ZNF445: variants seen among roughly 807,000 people sequenced by gnomAD.
ZNF445 encodes zinc finger protein 168.
ZNF445 carries 19 observed loss-of-function variants against 93.9 expected under a neutral mutation model. The ratio of observed to expected loss-of-function variants is 0.20; its 90% CI spans 0.14 to 0.30. The LOEUF (loss-of-function observed/expected upper bound fraction) is 0.30. Among genes scored for constraint, ZNF445 ranks in the 10% least tolerant of loss-of-function variants. The pLI is 1.00. For synonymous variants in ZNF445, 449 were observed against 446.3 expected (o/e 1.01, Z -0.08); for missense variants, 1,058 against 1,259.4 (o/e 0.84, Z 2.42).
Position 44,447,902 on chromosome 3 carries a change from T to C in ZNF445, c.1769A>G (p.Asp590Gly). Residue 590 changes from aspartate (D) to glycine (G), a missense_variant, in exon 8 of 8, where the codon GAC (aspartate) becomes GGC (glycine). By Grantham distance (94) the Asp-to-Gly change is moderately conservative. Around this residue, in one of 3 missense-constraint regions of ZNF445, gnomAD observed 657 missense variants for 746.4 expected, o/e 0.88. Coordinates refer to ENST00000396077, the MANE Select transcript of ZNF445 (RefSeq NM_181489.6). This position sits in a 1 kb window ranked among gnomAD's most constrained non-coding sequence, Gnocchi z 4.7. ...GTCAAAGAGTTTCTCCCCACTTTGGTCTCCCAAATGATGATCAAACCCTGA... is the reference window on the plus strand; with the variant it reads ...GTCAAAGAGTTTCTCCCCACTTTGGCCTCCCAAATGATGATCAAACCCTGA... ...YSSGFDHHLG[D>G]QSGEKLFDCS... The C allele has an allele frequency of 2.5e-6, 4 of 1,613,848 alleles. No individual in the cohort carries two copies. The highest frequency in any genetic ancestry group is 3.4e-6 in the Non-Finnish European group (4 of 1,180,032).
Position 44,450,860 on chromosome 3 carries a change from T to C in ZNF445, c.693+8A>G, listed in dbSNP as rs1697946642. The stretch of plus-strand genomic sequence containing the variant: ...ACATCAGGAAGGACCAAATGTTCTG[T>C]GGCTCACCTGGAGCTGGGCTGTCAG... On this transcript the variant is annotated splice_region_variant and intron_variant, in intron 5 of 7. Coordinates refer to ENST00000396077, the MANE Select transcript of ZNF445 (RefSeq NM_181489.6). 6.4e-7 allele frequency: 1 copy of C among 1,556,022 alleles called. No homozygotes were observed.
rs761608124 is a variant in ZNF445 at position 44,450,909 on chromosome 3, C to T, written c.652G>A (p.Asp218Asn). 1 of 1,597,952 alleles carries T rather than the reference C, an allele frequency of 6.3e-7. No homozygotes were observed. The highest frequency in any genetic ancestry group is 8.5e-7 in the Non-Finnish European group (1 of 1,172,752). The change falls in exon 5 of 8, where the codon GAC becomes AAC. Residue 218 changes from aspartate (D) to asparagine (N), a missense_variant. By Grantham distance (23) the Asp-to-Asn change is conservative. Transcript: ENST00000396077. The part of the protein sequence containing the change: ...ALFPREGCPG[D>N]QVTPTRSLTA... ...AGGGACCTGGTTGGTGTTACCTGGTCTCCCGGGCACCCCTCTCTCGGGAAA... is the reference window on the plus strand; with the variant it reads ...AGGGACCTGGTTGGTGTTACCTGGTTTCCCGGGCACCCCTCTCTCGGGAAA...
rs758932222 is a variant in ZNF445, at chr3:44,432,023, C to A, written c.*14552G>T. ...CAAGCTATTCTCCCATCTTAGCCTC[C>A]CAGCTGGGATTACAGGCATGAGCCA... On this transcript the variant is annotated 3_prime_UTR_variant, in exon 8 of 8. Transcript: ENST00000396077. 6.6e-6 allele frequency: 1 copy of A among 152,066 alleles called. No individual in the cohort carries two copies. Among genetic ancestry groups the A allele is most frequent in the Non-Finnish European group, 1.5e-5 (1 of 68,040 alleles). 9.4% of individuals were successfully genotyped at this position (152,066 alleles called of 1,614,324 possible). A position where few individuals can be genotyped will look rare whatever the true frequency, so the allele number is the denominator to read the frequency against.
rs187264086 is a variant in ZNF445, at chr3:44,473,973, T to A, written c.-269+3618A>T. Among the ~76,000 whole-genome samples, 587 of 152,320 alleles carry A rather than the reference T, an allele frequency of 3.9e-3. 2 individuals are homozygous for A. Among genetic ancestry groups the A allele is most frequent in the African/African-American group, 0.013 (530 of 41,566 alleles). On this transcript the variant is annotated intron_variant, in intron 1 of 7. Transcript: ENST00000396077. ...ATGAGAATTGTATGTAAGTATCCAATGAATGCCTAGAAGGAATGAAGGAAA... is the reference window on the plus strand; with the variant it reads ...ATGAGAATTGTATGTAAGTATCCAAAGAATGCCTAGAAGGAATGAAGGAAA...
chr3:44,462,584 G>A (rs1408439479), intron 1 of ZNF445, among the ~76,000 whole-genome samples: 2 of 151,808 alleles, frequency 1.3e-5, no homozygotes, highest in African/African-American at 4.8e-5. Flanking sequence ...GCCATTTATT[G>A]AGGTTCCCCA....
At position 44,439,364 on chromosome 3, in the gene ZNF445, C is replaced by T. The variant is rs141883875; in HGVS notation, c.*7211G>A. On this transcript the variant is annotated 3_prime_UTR_variant, in exon 8 of 8. Transcript: ENST00000396077. ...GCAAAAAGCAGTGGTGACCATAGGTCATGAGCAACGTCAGCGGACTTTTGG... is the reference window on the plus strand; with the variant it reads ...GCAAAAAGCAGTGGTGACCATAGGTTATGAGCAACGTCAGCGGACTTTTGG... The T allele has an allele frequency of 8.6e-5, 13 of 150,762 alleles. No homozygotes were observed. The highest frequency in any genetic ancestry group is 2.4e-4 in the African/African-American group (10 of 41,086). 9.3% of individuals were successfully genotyped at this position (150,762 alleles called of 1,614,324 possible). A position where few individuals can be genotyped will look rare whatever the true frequency, so the allele number is the denominator to read the frequency against.
In ZNF445 at chr3:44,448,435, G is replaced by C. The variant is rs751973567; in HGVS notation, c.1236C>G (p.Ser412=). 6.2e-7 allele frequency: 1 copy of C among 1,613,882 alleles called. No homozygotes were observed. The highest frequency in any genetic ancestry group is 8.5e-7 in the Non-Finnish European group (1 of 1,179,978). The change falls in exon 8 of 8, where the codon TCC becomes TCG. Residue 412 remains serine (S), a synonymous_variant. Transcript: ENST00000396077. The part of the protein sequence containing the change: ...TYLRVSGRKE[S]LKHGCGKHFR... ...AGTGTTTGCCACAGCCATGTTTAAG[G>C]GATTCCTTTCTTCCAGAAACTCTCA...
chr3:44,451,537 C>CA (rs1697957852), intron 3 of ZNF445, 55 bp from the exon 4 acceptor site: 4 of 1,564,906 alleles, frequency 2.6e-6, no homozygotes, highest in Non-Finnish European at 3.5e-6. Flanking sequence ...AAAGCAAACT[C>CA]AGAGAAGAGA....
intron 1 of ZNF445, among the ~76,000 whole-genome samples, chr3:44,459,654 G>A (rs1239692976): frequency 1.3e-5 from 2 of 152,158 alleles, no homozygotes; most frequent in African/African-American, 2.4e-5. Flanking sequence ...GAAGGAATAC[G>A]CAAATAGTAG....
At position 44,455,290 on chromosome 3, in the gene ZNF445, T is replaced by C. The variant is rs1698012883; in HGVS notation, c.260A>G (p.Asp87Gly). 6.2e-7 allele frequency: 1 copy of C among 1,613,956 alleles called. No individual in the cohort carries two copies. The change falls in exon 3 of 8, where the codon GAC becomes GGC. Residue 87 changes from aspartate to glycine, a missense_variant. By Grantham distance (94) the Asp-to-Gly change is moderately conservative. Coordinates refer to ENST00000396077, the MANE Select transcript of ZNF445 (RefSeq NM_181489.6). ...RELCRWWLRP[D>G]VLSKAQILEL... Reference sequence around the variant, plus strand: ...TAGGATCTGTGCCTTGGAGAGAACGTCAGGCCTCAGCCACCAGCGACAGAG... The same window carrying C: ...TAGGATCTGTGCCTTGGAGAGAACGCCAGGCCTCAGCCACCAGCGACAGAG...
In ZNF445 at chr3:44,447,651, C is replaced by A; in HGVS notation, c.2020G>T (p.Ala674Ser). The change falls in exon 8 of 8, where the codon GCT (alanine) becomes TCT (serine). Residue 674 changes from alanine (A) to serine (S), a missense_variant. By Grantham distance (99) the Ala-to-Ser change is moderately conservative. Around this residue, in one of 3 missense-constraint regions of ZNF445, gnomAD observed 387 missense variants for 475.7 expected, o/e 0.81. Coordinates refer to ENST00000396077, the MANE Select transcript of ZNF445 (RefSeq NM_181489.6). This position sits in a 1 kb window ranked among gnomAD's most constrained non-coding sequence, Gnocchi z 4.7. Reference protein sequence around the residue: ...QSPDCSQPQGAPAVEKTFLCQ... With the variant: ...QSPDCSQPQGSPAVEKTFLCQ... ...AGAAATGTTTTCTCCACAGCGGGAG[C>A]ACCCTGGGGCTGACTGCAGTCAGGA... 1 of 1,614,042 alleles carries A rather than the reference C, an allele frequency of 6.2e-7. No individual in the cohort carries two copies. Among genetic ancestry groups the A allele is most frequent in the South Asian group, 1.1e-5 (1 of 91,072 alleles).
At chr3:44,473,492 A>ACACACACACAC (rs1559400839) in intron 1 of ZNF445, among the ~76,000 whole-genome samples, 4,047 of 89,022 alleles carry the variant, frequency 0.045, 186 homozygotes, top group African/African-American at 0.11. Context: ...CACACACACA[A>ACACACACACAC]AAAATGCTTT....
chr3:44,467,338 C>G (rs1698209963), intron 1 of ZNF445, among the ~76,000 whole-genome samples: 1 of 152,156 alleles, frequency 6.6e-6, no homozygotes, highest in Non-Finnish European at 1.5e-5. Flanking sequence ...CAATAAGAAT[C>G]TGTTTTCTTT....
intron 1 of ZNF445, among the ~76,000 whole-genome samples, chr3:44,462,327 G>C (rs886471841): frequency 6.6e-6 from 1 of 152,110 alleles, no homozygotes. Context: ...CTTTCTCTTG[G>C]TTTCCGCCAT....
Position 44,449,367 on chromosome 3 carries a change from C to T in ZNF445, c.931+146G>A, listed in dbSNP as rs983868196. On this transcript the variant is annotated intron_variant, in intron 7 of 7. Transcript: ENST00000396077. ...GGAGGCCAGCCAGGATGGAAGAGAC[C>T]CAGTGGCCCAAGCACCCTTACCAAC... 1.4e-5 allele frequency: 9 copies of T among 652,042 alleles called. No homozygotes were observed. The East Asian group carries it at 2.5e-4, about 18-fold the overall frequency. 40.4% of individuals were successfully genotyped at this position (652,042 alleles called of 1,614,324 possible).
chr3:44,469,374 C>T (rs1698235821), intron 1 of ZNF445, among the ~76,000 whole-genome samples: 1 of 152,202 alleles, frequency 6.6e-6, no homozygotes, highest in South Asian at 2.1e-4. Context: ...TGTATACACG[C>T]TTCATATTGC....
chr3:44,457,391 C>T (rs1698043784), intron 2 of ZNF445, among the ~76,000 whole-genome samples: 1 of 152,018 alleles, frequency 6.6e-6, no homozygotes, highest in Non-Finnish European at 1.5e-5. Flanking sequence ...CTTGCTTCAG[C>T]CTCCAGAGGA....
chr3:44,440,660 A>G lies in ZNF445; in HGVS notation c.*5915T>C, dbSNP rs1697794636. 1 of 152,266 alleles carries G rather than the reference A, an allele frequency of 6.6e-6. No homozygotes were observed. The highest frequency in any genetic ancestry group is 2.4e-5 in the African/African-American group (1 of 41,466). The allele number at this position is 152,266 out of a possible 1,614,324, so 9.4% of individuals were successfully genotyped here. A position where few individuals can be genotyped will look rare whatever the true frequency, so the allele number is the denominator to read the frequency against. ...GAGAGTTCTTGGACCTTGCTCAAGA[A>G]AAGAATTCGGGCGAGTCCACAAAGT... On this transcript the variant is annotated 3_prime_UTR_variant, in exon 8 of 8. Coordinates refer to ENST00000396077, the MANE Select transcript of ZNF445 (RefSeq NM_181489.6).
chr3:44,448,770 C>T (rs768999742), intron 7 of ZNF445, 31 bp from the exon 8 acceptor site: 2 of 1,580,092 alleles, frequency 1.3e-6, no homozygotes, highest in South Asian at 1.2e-5. Context: ...AGAGAATGTA[C>T]TCTTTTCCCA....
Sources: gnomAD v4.1 joint callset for allele counts (sites outside exome capture counted in the v4.1 genomes callset) on GRCh38, gnomAD v4.1.1 for gene constraint, gnomAD v4.1.1 regional missense constraint, Gnocchi (gnomAD v3.1) non-coding constraint, MANE v1.5 for transcripts, NCBI Gene and HGNC (gene_info 2026-07-23, HGNC 2026-07-21) for gene names.